The following NSUN7 variants were observed in gnomAD, a reference collection of about 807,000 sequenced individuals.
NSUN7 encodes the protein protein NSUN7.
NSUN7 carries 39 observed loss-of-function variants against 58.5 expected under a neutral mutation model. That is an observed-to-expected ratio of 0.67 (90% CI 0.52 to 0.87). The LOEUF (loss-of-function observed/expected upper bound fraction) is 0.87. NSUN7 is among the 40% of genes least tolerant of loss of function. NSUN7 has a pLI of 0.00. For synonymous variants in NSUN7, 278 were observed against 303.7 expected (o/e 0.92, Z 0.88); for missense variants, 765 against 844.1 (o/e 0.91, Z 1.16).
chr4:40,799,122 G>A (rs1167535226), intron 10 of NSUN7, among the ~76,000 whole-genome samples: 3 of 99,928 alleles, frequency 3.0e-5, no homozygotes, highest in Middle Eastern at 0.014. Context: ...ATCTTGCTCT[G>A]TCATCCAGGC....
At chr4:40,769,474 C>T (rs1037694870) in intron 4 of NSUN7, among the ~76,000 whole-genome samples, 11 of 152,172 alleles carry the variant, frequency 7.2e-5, no homozygotes, top group African/African-American at 2.7e-4. Context: ...TGGCTTTATG[C>T]CTGGAAGAAT....
At chr4:40,751,576 A>G (rs1740835847) in intron 2 of NSUN7, among the ~76,000 whole-genome samples, 1 of 152,216 alleles carries the variant, frequency 6.6e-6, no homozygotes, top group Admixed American at 6.5e-5. Flanking sequence ...TGAATATCAA[A>G]ATTACACCAA....
intron 2 of NSUN7, among the ~76,000 whole-genome samples, chr4:40,758,922 T>C (rs753918284): frequency 3.3e-5 from 5 of 151,948 alleles, no homozygotes; most frequent in Non-Finnish European, 7.4e-5. Context: ...ATTCAAGGTA[T>C]AAATTCAATT....
In NSUN7 at chr4:40,806,707, A is replaced by G. The variant is rs78621106; in HGVS notation, c.1401-354A>G. Among the ~76,000 whole-genome samples the G allele has an allele frequency of 3.4e-3, 522 of 152,296 alleles. 3 individuals carry two copies. The highest frequency in any genetic ancestry group is 0.011 in the African/African-American group (478 of 41,570). ...ATGGTAGAAATATAGGACATTTTGG[A>G]TAACTGTGATTAATGTACATATTTA... On this transcript the variant is annotated intron_variant, in intron 10 of 11. Coordinates refer to ENST00000381782, the MANE Select transcript of NSUN7 (RefSeq NM_024677.6).
intron 7 of NSUN7, chr4:40,786,831 C>A: frequency 9.6e-7 from 1 of 1,042,982 alleles, no homozygotes; most frequent in Non-Finnish European, 1.4e-6. Context: ...GCTATTAAAG[C>A]TTTGTTTTGT....
chr4:40,776,194 G>A lies in NSUN7; in HGVS notation c.971G>A (p.Cys324Tyr). Residue 324 changes from cysteine to tyrosine, a missense_variant, in exon 7 of 12, where the codon TGT (cysteine) becomes TAT (tyrosine). Transcript: ENST00000381782. Reference sequence around the variant, plus strand: ...AATAATACCTCAAAAGTATTTGTGTGTGGAGTACAATCACAAGCTAAGGAT... The same window carrying A: ...AATAATACCTCAAAAGTATTTGTGTATGGAGTACAATCACAAGCTAAGGAT... ...TNNNTSKVFV[C>Y]GVQSQAKDPD... 2 of 1,612,274 alleles carry A rather than the reference G, an allele frequency of 1.2e-6. No individual in the cohort carries two copies. Among genetic ancestry groups the A allele is most frequent in the Non-Finnish European group, 1.7e-6 (2 of 1,179,258 alleles).
At chr4:40,769,213 C>T (rs896440160) in intron 4 of NSUN7, among the ~76,000 whole-genome samples, 1 of 152,224 alleles carries the variant, frequency 6.6e-6, no homozygotes, top group Non-Finnish European at 1.5e-5. Flanking sequence ...TCCTTAGATA[C>T]ATTTCCCTGG....
chr4:40,768,088 T>C (rs759061034), intron 4 of NSUN7, among the ~76,000 whole-genome samples: 3 of 152,174 alleles, frequency 2.0e-5, no homozygotes, highest in Non-Finnish European at 4.4e-5. Flanking sequence ...GGAAGCCAAC[T>C]CTATCTGCCT....
chr4:40,765,556 C>T (rs1479007466), intron 4 of NSUN7, among the ~76,000 whole-genome samples: 15 of 151,556 alleles, frequency 9.9e-5, no homozygotes, highest in African/African-American at 1.9e-4. Flanking sequence ...ATTGACTTGG[C>T]GATGTGGGCT....
chr4:40,773,759 G>T (rs1010666752), intron 4 of NSUN7, among the ~76,000 whole-genome samples: 2 of 152,068 alleles, frequency 1.3e-5, no homozygotes, highest in African/African-American at 2.4e-5. Flanking sequence ...CTATACAGGG[G>T]CAGCAAAAAC....
At position 40,808,623 on chromosome 4, in the gene NSUN7, C is replaced by T; in HGVS notation, c.1841C>T (p.Ala614Val). The change falls in exon 12 of 12, where the codon GCA becomes GTA. Residue 614 changes from alanine (A) to valine (V), a missense_variant. Coordinates refer to ENST00000381782, the MANE Select transcript of NSUN7 (RefSeq NM_024677.6). ...CCCAACAAGCTGGCCCCCCATCCTG[C>T]AGTGCCTGCATTTGTGAAGAACACT... ...RKPNKLAPHP[A>V]VPAFVKNTCP... 1.3e-6 allele frequency: 2 copies of T among 1,551,822 alleles called. No homozygotes were observed. The highest frequency in any genetic ancestry group is 1.7e-6 in the Non-Finnish European group (2 of 1,147,022).
At chr4:40,750,494 A>G in intron 1 of NSUN7, 109 bp from the exon 2 acceptor site, 1 of 490,028 alleles carries the variant, frequency 2.0e-6, no homozygotes, top group Non-Finnish European at 3.6e-6. Flanking sequence ...GGACACTCAG[A>G]TGGGACGGGA....
At position 40,761,173 on chromosome 4, in the gene NSUN7, A is replaced by G. The variant is rs1388032424; in HGVS notation, c.360A>G (p.Pro120=). The change falls in exon 4 of 12, where the codon CCA becomes CCG. Residue 120 remains proline (P), a splice_region_variant and synonymous_variant. Coordinates refer to ENST00000381782, the MANE Select transcript of NSUN7 (RefSeq NM_024677.6). ...TTATATATGTTTTCCCTTGTTAGCCAGATCATTTGAGCAGTCTTATTATTG... is the reference window on the plus strand; with the variant it reads ...TTATATATGTTTTCCCTTGTTAGCCGGATCATTTGAGCAGTCTTATTATTG... ...DSCIFPSTTI[P]DHLSSLIIVM... is the part of the protein sequence containing the mutation. The G allele has an allele frequency of 5.1e-6, 8 of 1,577,470 alleles. No individual in the cohort carries two copies. Among genetic ancestry groups the G allele is most frequent in the African/African-American group, 1.4e-5 (1 of 72,222 alleles).
chr4:40,776,064 C>T lies in NSUN7; in HGVS notation c.841C>T (p.Leu281Phe). The T allele has an allele frequency of 6.2e-7, 1 of 1,602,166 alleles. No individual in the cohort carries two copies. Among genetic ancestry groups the T allele is most frequent in the Non-Finnish European group, 8.5e-7 (1 of 1,173,654 alleles). The part of the protein sequence containing the change: ...KLIFQDKSRS[L>F]AVHSVKALLN... Reference sequence around the variant, plus strand: ...TATCTTACAGGACAAATCTCGAAGTCTTGCTGTCCATTCTGTAAAGGCTTT... The same window carrying T: ...TATCTTACAGGACAAATCTCGAAGTTTTGCTGTCCATTCTGTAAAGGCTTT... Residue 281 changes from leucine (L) to phenylalanine (F), a missense_variant, in exon 7 of 12, where the codon CTT (leucine) becomes TTT (phenylalanine). Coordinates refer to ENST00000381782, the MANE Select transcript of NSUN7 (RefSeq NM_024677.6).
chr4:40,769,057 C>T (rs1435066112), intron 4 of NSUN7, among the ~76,000 whole-genome samples: 12 of 152,204 alleles, frequency 7.9e-5, no homozygotes, highest in Non-Finnish European at 1.8e-4. Flanking sequence ...TCCTCCCCTC[C>T]CCTGCACTCA....
intron 4 of NSUN7, chr4:40,762,465 C>T (rs1442460858): frequency 6.6e-6 from 1 of 152,082 alleles, no homozygotes; most frequent in Admixed American, 6.5e-5. Flanking sequence ...AGGCTGAGAC[C>T]AGAAGATTCA....
intron 4 of NSUN7, among the ~76,000 whole-genome samples, chr4:40,769,405 A>C (rs1206468123): frequency 6.6e-6 from 1 of 152,264 alleles, no homozygotes; most frequent in Non-Finnish European, 1.5e-5. Context: ...GACAAGAAGC[A>C]GCACAGAAAC....
rs992078716 is a variant in NSUN7 at position 40,798,792 on chromosome 4, A to G, written c.1288A>G (p.Lys430Glu). 6.3e-7 allele frequency: 1 copy of G among 1,588,910 alleles called. No homozygotes were observed. ...EQLTHAMKFTKAQAVVYCTCS... is the reference protein window; with the variant it reads ...EQLTHAMKFTEAQAVVYCTCS... The stretch of plus-strand genomic sequence containing the variant: ...TGCATCTTCTTCTAATATAGTTACT[A>G]AAGCTCAAGCAGTTGTTTACTGCAC... Residue 430 changes from lysine to glutamate, a missense_variant, in exon 10 of 12, where the codon AAA becomes GAA. Physicochemically the swap from Lys to Glu is moderately conservative, Grantham distance 56 (BLOSUM62 1). Transcript: ENST00000381782.
chr4:40,803,836 G>C (rs559893344), intron 10 of NSUN7, among the ~76,000 whole-genome samples: 1 of 152,038 alleles, frequency 6.6e-6, no homozygotes, highest in African/African-American at 2.4e-5. Context: ...CTATTGAATG[G>C]TCTTGGCACC....
Sources: gnomAD v4.1 joint callset for allele counts (sites outside exome capture counted in the v4.1 genomes callset) on GRCh38, gnomAD v4.1.1 for gene constraint, MANE v1.5 for transcripts, NCBI Gene and HGNC (gene_info 2026-07-23, HGNC 2026-07-21) for gene names.